The following HS3ST4 variants were observed in gnomAD, a reference collection of about 807,000 sequenced individuals.
HS3ST4 encodes heparan sulfate glucosamine 3-O-sulfotransferase 4.
Under a neutral mutation model 29.2 loss-of-function variants are expected in HS3ST4, and 17 were observed. The ratio of observed to expected loss-of-function variants is 0.58; its 90% CI spans 0.40 to 0.87. The LOEUF (loss-of-function observed/expected upper bound fraction) is 0.87, where lower values mean the gene tolerates loss of function less well. HS3ST4 is among the 40% of genes least tolerant of loss of function. The pLI is 0.00. For missense variants in HS3ST4, 627 were observed against 634.5 expected, an observed-to-expected ratio of 0.99 and a Z score of 0.13; for synonymous variants, 314 against 285.7, an observed-to-expected ratio of 1.10 and a Z score of -1.00.
At chr16:25,933,450 C>T (rs988939008) in intron 1 of HS3ST4, 2 of 500,274 alleles carry the variant, frequency 4.0e-6, no homozygotes, top group Admixed American at 4.1e-5. Flanking sequence ...GCTGAAAAAT[C>T]TAGATTTCCA....
chr16:26,107,260 C>T (rs898404231), intron 1 of HS3ST4, among the ~76,000 whole-genome samples: 2 of 151,964 alleles, frequency 1.3e-5, no homozygotes, highest in Non-Finnish European at 1.5e-5. Flanking sequence ...TACACACACA[C>T]ACACATATAT....
chr16:25,950,225 C>T (rs1968670207), intron 1 of HS3ST4, among the ~76,000 whole-genome samples: 1 of 152,058 alleles, frequency 6.6e-6, no homozygotes, highest in Non-Finnish European at 1.5e-5. Flanking sequence ...TGCTCACTGG[C>T]CTTGAGTGGT....
At chr16:25,943,407 G>A (rs1293351190) in intron 1 of HS3ST4, among the ~76,000 whole-genome samples, 1 of 152,100 alleles carries the variant, frequency 6.6e-6, no homozygotes, top group Admixed American at 6.5e-5. Context: ...TAACCACTAT[G>A]TAAAAGACAC....
intron 1 of HS3ST4, among the ~76,000 whole-genome samples, chr16:25,739,658 G>A (rs1253636462): frequency 6.6e-6 from 1 of 152,192 alleles, no homozygotes; most frequent in African/African-American, 2.4e-5. Flanking sequence ...GATGTCTTAA[G>A]CTGATTGTTT....
At chr16:26,021,145 T>G (rs2141746827) in intron 1 of HS3ST4, among the ~76,000 whole-genome samples, 1 of 152,330 alleles carries the variant, frequency 6.6e-6, no homozygotes, top group Non-Finnish European at 1.5e-5. Context: ...TTAATTTTAG[T>G]AGAGTTGCAC....
At chr16:25,953,640 T>C (rs1026894848) in intron 1 of HS3ST4, among the ~76,000 whole-genome samples, 7 of 152,228 alleles carry the variant, frequency 4.6e-5, no homozygotes, top group Middle Eastern at 3.4e-3. Flanking sequence ...TCTTAGACCA[T>C]GTCATAAATT....
At chr16:25,934,852 C>T (rs1968503190) in intron 1 of HS3ST4, among the ~76,000 whole-genome samples, 2 of 152,090 alleles carry the variant, frequency 1.3e-5, no homozygotes, top group African/African-American at 4.8e-5. Flanking sequence ...AGAGATTTCT[C>T]ATATATTCCC....
intron 1 of HS3ST4, among the ~76,000 whole-genome samples, chr16:26,015,044 G>A (rs764679458): frequency 1.3e-5 from 2 of 152,216 alleles, no homozygotes; most frequent in Non-Finnish European, 2.9e-5. Flanking sequence ...GAAATTGATA[G>A]TAAAAATGGA....
chr16:25,827,873 C>A (rs1967236344), intron 1 of HS3ST4, among the ~76,000 whole-genome samples: 1 of 152,172 alleles, frequency 6.6e-6, no homozygotes, highest in Admixed American at 6.5e-5. Context: ...GATGAGGAAG[C>A]TTGTCACAAG....
At chr16:25,796,432 A>G (rs1966886077) in intron 1 of HS3ST4, among the ~76,000 whole-genome samples, 1 of 152,032 alleles carries the variant, frequency 6.6e-6, no homozygotes, top group South Asian at 2.1e-4. Context: ...TCCACAAGTG[A>G]CTCAACCTTA....
chr16:26,130,237 C>A (rs529581444), intron 1 of HS3ST4, among the ~76,000 whole-genome samples: 1 of 152,154 alleles, frequency 6.6e-6, no homozygotes, highest in Non-Finnish European at 1.5e-5. Context: ...ATACTGTTAA[C>A]GAGCTGTGCC....
chr16:25,983,492 C>T lies in HS3ST4; in HGVS notation c.735-152120C>T, dbSNP rs1969029908. On this transcript the variant is annotated intron_variant, in intron 1 of 1. Transcript: ENST00000331351. The stretch of plus-strand genomic sequence containing the variant: ...ATCCTCCTCTCTCCTGTTCTGCTTC[C>T]TTTTGTAGCAACCCCATCTTCCTTG... 7.9e-5 allele frequency among the ~76,000 whole-genome samples: 12 copies of T among 152,274 alleles called. 1 individual carries two copies. In the South Asian group the frequency reaches 2.5e-3, roughly 32 times the overall value.
At chr16:26,067,833 A>C (rs1898558915) in intron 1 of HS3ST4, among the ~76,000 whole-genome samples, 1 of 152,084 alleles carries the variant, frequency 6.6e-6, no homozygotes, top group Admixed American at 6.5e-5. Context: ...AGTTTCACAA[A>C]ATCTGTTGGT....
intron 1 of HS3ST4, among the ~76,000 whole-genome samples, chr16:26,059,972 G>T (rs1351267675): frequency 6.6e-6 from 1 of 151,982 alleles, no homozygotes; most frequent in Non-Finnish European, 1.5e-5. Flanking sequence ...TAGAGATGGG[G>T]TTTCACTGTG....
chr16:25,884,313 T>C (rs961146014), intron 1 of HS3ST4, among the ~76,000 whole-genome samples: 1 of 152,202 alleles, frequency 6.6e-6, no homozygotes, highest in African/African-American at 2.4e-5. Context: ...CTTTTAAGGC[T>C]GCTTCTTTCA....
At chr16:26,132,420 G>A (rs772441494) in intron 1 of HS3ST4, among the ~76,000 whole-genome samples, 1 of 152,148 alleles carries the variant, frequency 6.6e-6, no homozygotes, top group Non-Finnish European at 1.5e-5. Flanking sequence ...TTCATGGGTA[G>A]CATGAAGGTC....
intron 1 of HS3ST4, among the ~76,000 whole-genome samples, chr16:25,717,721 A>G (rs1041006489): frequency 4.6e-5 from 7 of 152,148 alleles, no homozygotes; most frequent in Non-Finnish European, 1.0e-4. Context: ...CTTGTAGGCC[A>G]CGTTAAAGAG....
At chr16:25,900,145 G>A (rs920493982) in intron 1 of HS3ST4, among the ~76,000 whole-genome samples, 8 of 152,148 alleles carry the variant, frequency 5.3e-5, no homozygotes, top group African/African-American at 9.7e-5. Context: ...GGTGTGTAAC[G>A]TTTATCTTGG....
intron 1 of HS3ST4, among the ~76,000 whole-genome samples, chr16:25,735,990 T>C (rs761027223): frequency 5.3e-5 from 8 of 152,202 alleles, no homozygotes; most frequent in Non-Finnish European, 1.2e-4. Flanking sequence ...GATCAAATTC[T>C]TTGTTTATTA....
Sources: gnomAD v4.1 joint callset for allele counts (sites outside exome capture counted in the v4.1 genomes callset) on GRCh38, gnomAD v4.1.1 for gene constraint, MANE v1.5 for transcripts, NCBI Gene and HGNC (gene_info 2026-07-23, HGNC 2026-07-21) for gene names.